DGKH: variants seen among roughly 807,000 people sequenced by gnomAD.
DGKH encodes DAG kinase eta.
A neutral mutation model predicts 159.3 loss-of-function variants in DGKH; 90 were observed. The ratio of observed to expected loss-of-function variants is 0.57; its 90% CI spans 0.48 to 0.67. The LOEUF is 0.67. Among genes scored for constraint, DGKH ranks in the 30% least tolerant of loss-of-function variants. The pLI, the probability that DGKH is intolerant of heterozygous loss-of-function variation, is 0.00. For synonymous variants in DGKH, 536 were observed against 553.8 expected, an observed-to-expected ratio of 0.97 and a Z score of 0.45; for missense variants, 1,181 against 1,506.1, an observed-to-expected ratio of 0.78 and a Z score of 3.57.
In DGKH at chr13:42,159,357, A is replaced by G; in HGVS notation, c.714A>G (p.Ile238Met). The change falls in exon 6 of 30, where the codon ATA (isoleucine) becomes ATG (methionine). Residue 238 changes from isoleucine to methionine, a missense_variant. Ile to Met is a conservative substitution (Grantham distance 10). Coordinates refer to ENST00000337343, the MANE Select transcript of DGKH (RefSeq NM_178009.5). ...TTLASIGKDI[I>M]EDEDGVAMPH... ...TGGCCTCCATCGGGAAGGACATTAT[A>G]GAAGATGAAGATGGCGTAAGCTGCT... 1 of 1,607,832 alleles carries G rather than the reference A, an allele frequency of 6.2e-7. No homozygotes were observed. Among genetic ancestry groups the G allele is most frequent in the Non-Finnish European group, 8.5e-7 (1 of 1,176,246 alleles).
In DGKH at chr13:42,122,865, A is replaced by C. The variant is rs555144654; in HGVS notation, c.193-4598A>C. 1.5e-4 allele frequency among the ~76,000 whole-genome samples: 23 copies of C among 152,346 alleles called. No individual in the cohort carries two copies. In the South Asian group the frequency reaches 4.8e-3, roughly 32 times the overall value. ...AGGAAATTTTGTCTTCAGAGAATAC[A>C]GCAAAGAGTGGTCATGTTTTGGAGT... On this transcript the variant is annotated intron_variant, in intron 1 of 29. Coordinates refer to ENST00000337343, the MANE Select transcript of DGKH (RefSeq NM_178009.5).
chr13:42,090,821 C>T (rs1954402822), intron 1 of DGKH, among the ~76,000 whole-genome samples: 1 of 152,066 alleles, frequency 6.6e-6, no homozygotes, highest in African/African-American at 2.4e-5. Flanking sequence ...GTGATTGAGC[C>T]ATGGGGACAG....
At chr13:42,183,915 A>G (rs1956839118) in intron 13 of DGKH, among the ~76,000 whole-genome samples, 2 of 152,172 alleles carry the variant, frequency 1.3e-5, no homozygotes, top group Non-Finnish European at 1.5e-5. Context: ...TTACTTACGC[A>G]CTCTACTCAC....
intron 3 of DGKH, among the ~76,000 whole-genome samples, chr13:42,154,762 C>T (rs916439375): frequency 6.6e-5 from 10 of 151,826 alleles, no homozygotes; most frequent in South Asian, 6.3e-4. Flanking sequence ...ATTAGGTGGC[C>T]GGGCGCAGTG....
intron 1 of DGKH, among the ~76,000 whole-genome samples, chr13:42,051,081 T>C (rs889105128): frequency 6.6e-6 from 1 of 152,252 alleles, no homozygotes; most frequent in African/African-American, 2.4e-5. Flanking sequence ...GCTAAGATTA[T>C]ATGCTTATGG....
At chr13:42,256,114 G>C in intron 30 of DGKH, 1 of 1,187,846 alleles carries the variant, frequency 8.4e-7, no homozygotes, top group Non-Finnish European at 1.3e-6. Context: ...TGCCAGGCAA[G>C]GTGAACCCTA....
Position 42,238,841 on chromosome 13 carries a change from A to G in DGKH, c.*9653A>G, listed in dbSNP as rs941807527. The G allele has an allele frequency of 3.3e-5, 5 of 152,192 alleles. No individual in the cohort carries two copies. The highest frequency in any genetic ancestry group is 4.8e-5 in the African/African-American group (2 of 41,460). The allele number at this position is 152,192 out of a possible 1,614,324, so 9.4% of individuals were successfully genotyped here. A position where few individuals can be genotyped will look rare whatever the true frequency, so the allele number is the denominator to read the frequency against. Reference sequence around the variant, plus strand: ...CAGTGAACGATGACTTGATTTTTACATGACATTTGAATTCTGTCACTATCT... The same window carrying G: ...CAGTGAACGATGACTTGATTTTTACGTGACATTTGAATTCTGTCACTATCT... On this transcript the variant is annotated 3_prime_UTR_variant, in exon 30 of 30. Coordinates refer to ENST00000337343, the MANE Select transcript of DGKH (RefSeq NM_178009.5).
chr13:42,193,406 T>G (rs765415099), intron 16 of DGKH, among the ~76,000 whole-genome samples: 7 of 152,326 alleles, frequency 4.6e-5, no homozygotes, highest in Non-Finnish European at 8.8e-5. Context: ...CAGTATTTGG[T>G]CTTTATTTTG....
At chr13:42,166,281 C>T (rs1002888783) in intron 8 of DGKH, among the ~76,000 whole-genome samples, 2 of 152,032 alleles carry the variant, frequency 1.3e-5, no homozygotes, top group Non-Finnish European at 2.9e-5. Flanking sequence ...AAAATATTCT[C>T]TCAGACTTCA....
intron 1 of DGKH, among the ~76,000 whole-genome samples, chr13:42,117,110 G>C (rs910376873): frequency 6.6e-6 from 1 of 152,094 alleles, no homozygotes; most frequent in African/African-American, 2.4e-5. Flanking sequence ...TTTGGGAGGA[G>C]GGGGGAGTTA....
At chr13:42,062,233 C>T (rs1225190183) in intron 1 of DGKH, among the ~76,000 whole-genome samples, 2 of 152,190 alleles carry the variant, frequency 1.3e-5, no homozygotes, top group Admixed American at 6.5e-5. Flanking sequence ...GCATTTTCAT[C>T]CATCCAAGTG....
intron 1 of DGKH, among the ~76,000 whole-genome samples, chr13:42,057,013 T>G (rs1881812653): frequency 1.3e-5 from 2 of 152,196 alleles, no homozygotes; most frequent in African/African-American, 4.8e-5. Context: ...AAAAGTAAAT[T>G]TTGAAATAAA....
At chr13:42,080,039 C>T (rs1954170386) in intron 1 of DGKH, among the ~76,000 whole-genome samples, 1 of 152,194 alleles carries the variant, frequency 6.6e-6, no homozygotes, top group Non-Finnish European at 1.5e-5. Context: ...CTGATTTTCT[C>T]ACGTTGCTTT....
intron 24 of DGKH, among the ~76,000 whole-genome samples, chr13:42,212,141 C>T (rs112539208): frequency 1.1e-3 from 171 of 152,252 alleles, no homozygotes; most frequent in African/African-American, 3.7e-3. Context: ...GTGGTTTCAG[C>T]GGCTAACTCA....
chr13:42,121,128 C>T (rs1478755797), intron 1 of DGKH, among the ~76,000 whole-genome samples: 2 of 151,630 alleles, frequency 1.3e-5, no homozygotes, highest in Non-Finnish European at 2.9e-5. Flanking sequence ...ACAAGACATT[C>T]CCTGACTTAC....
intron 1 of DGKH, among the ~76,000 whole-genome samples, chr13:42,108,709 G>A (rs991181208): frequency 6.6e-6 from 1 of 152,176 alleles, no homozygotes; most frequent in Non-Finnish European, 1.5e-5. Flanking sequence ...TAGGAGTTAT[G>A]TATATATTTA....
Position 42,139,099 on chromosome 13 carries a change from A to G in DGKH, c.384+9467A>G, listed in dbSNP as rs534254406. On this transcript the variant is annotated intron_variant, in intron 3 of 29. Transcript: ENST00000337343. Reference sequence around the variant, plus strand: ...TTTTCCAAGACTAACCCAGAGAAATAGCTCTTAAGGTTATTATTGGCTTCC... The same window carrying G: ...TTTTCCAAGACTAACCCAGAGAAATGGCTCTTAAGGTTATTATTGGCTTCC... Among the ~76,000 whole-genome samples the G allele has an allele frequency of 1.4e-3, 206 of 152,278 alleles. No individual in the cohort carries two copies. The Middle Eastern group carries it at 0.024, about 18-fold the overall frequency.
chr13:42,208,449 G>GC (rs1350849943), intron 21 of DGKH, among the ~76,000 whole-genome samples: 1 of 151,990 alleles, frequency 6.6e-6, no homozygotes, highest in African/African-American at 2.4e-5. Context: ...AAAATATAAA[G>GC]CACATATGTA....
In DGKH at chr13:42,239,066, A is replaced by G. The variant is rs1462615312; in HGVS notation, c.*9878A>G. ...AATTTTCATGATGATAGATCTCTGA[A>G]TGATTAATCCAGAATGATTTGGTAC... On this transcript the variant is annotated 3_prime_UTR_variant, in exon 30 of 30. Transcript: ENST00000337343. The G allele has an allele frequency of 6.6e-6, 1 of 152,140 alleles. No homozygotes were observed. Among genetic ancestry groups the G allele is most frequent in the Non-Finnish European group, 1.5e-5 (1 of 67,994 alleles). The allele number at this position is 152,140 out of a possible 1,614,324, so 9.4% of individuals were successfully genotyped here.
Sources: gnomAD v4.1 joint callset for allele counts (sites outside exome capture counted in the v4.1 genomes callset) on GRCh38, gnomAD v4.1.1 for gene constraint, MANE v1.5 for transcripts, NCBI Gene and HGNC (gene_info 2026-07-23, HGNC 2026-07-21) for gene names.